SDK1: variants seen among roughly 807,000 people sequenced by gnomAD.
SDK1 encodes sidekick cell adhesion molecule 1, also known as protein sidekick-1.
SDK1 carries 157 observed loss-of-function variants against 245.5 expected under a neutral mutation model. The ratio of observed to expected loss-of-function variants is 0.64; its 90% CI spans 0.56 to 0.73. The LOEUF is 0.73. Ranked by LOEUF, SDK1 falls within the 30% of genes least tolerant of loss-of-function variation. The probability of loss-of-function intolerance (pLI) is 0.00; values close to 1 mark genes in which losing one functional copy is unlikely to be tolerated. For missense variants in SDK1, 3,583 were observed against 3,002.3 expected, an observed-to-expected ratio of 1.19 and a Z score of -4.52; for synonymous variants, 1,647 against 1,278.5, an observed-to-expected ratio of 1.29 and a Z score of -6.15.
chr7:3,599,755 G>T (rs956073259), intron 1 of SDK1, among the ~76,000 whole-genome samples: 2 of 152,058 alleles, frequency 1.3e-5, no homozygotes, highest in Admixed American at 6.6e-5. Flanking sequence ...TCAAAAGTCA[G>T]TTGGCTGCCT....
intron 4 of SDK1, among the ~76,000 whole-genome samples, chr7:3,791,289 C>G (rs1781080197): frequency 6.6e-6 from 1 of 152,092 alleles, no homozygotes; most frequent in African/African-American, 2.4e-5. Context: ...GGAACTACAG[C>G]CAGTGAGTAG....
At chr7:3,863,844 G>C (rs918183854) in intron 5 of SDK1, among the ~76,000 whole-genome samples, 1 of 152,214 alleles carries the variant, frequency 6.6e-6, no homozygotes, top group Admixed American at 6.5e-5. Context: ...CCTGACGGGC[G>C]CTTGGGTTGT....
In SDK1 at chr7:3,969,508, G is replaced by A. The variant is rs1046724159; in HGVS notation, c.1714+84G>A. ...TCGTGTGCTTTGGGGATGTCAGCAT[G>A]CCCTTGGGCTTGCTAATTTAATCAA... On this transcript the variant is annotated intron_variant, in intron 11 of 44. Transcript: ENST00000404826. The A allele has an allele frequency of 1.3e-5, 13 of 1,028,186 alleles. No individual in the cohort carries two copies. The Middle Eastern group carries it at 7.8e-4, about 61-fold the overall frequency. 63.7% of individuals were successfully genotyped at this position (1,028,186 alleles called of 1,614,324 possible).
At chr7:3,522,400 C>G (rs1328100343) in intron 1 of SDK1, among the ~76,000 whole-genome samples, 2 of 152,242 alleles carry the variant, frequency 1.3e-5, no homozygotes, top group East Asian at 3.9e-4. Context: ...GAGACAATGC[C>G]CAATCACTGT....
intron 4 of SDK1, among the ~76,000 whole-genome samples, chr7:3,666,659 G>T (rs1277383727): frequency 4.6e-5 from 7 of 151,800 alleles, no homozygotes; most frequent in Non-Finnish European, 1.5e-5. Context: ...CTTGTGCGTC[G>T]TTGGCGATTG....
At chr7:3,696,340 G>A (rs1784571234) in intron 4 of SDK1, among the ~76,000 whole-genome samples, 1 of 152,094 alleles carries the variant, frequency 6.6e-6, no homozygotes, top group African/African-American at 2.4e-5. Context: ...CACCGTATAT[G>A]TTTGCTGTGC....
At position 4,248,839 on chromosome 7, in the gene SDK1, A is replaced by C. The variant is rs188772454; in HGVS notation, c.6381+3034A>C. Among the ~76,000 whole-genome samples the C allele has an allele frequency of 3.0e-3, 464 of 152,134 alleles. 4 individuals carry two copies. Among genetic ancestry groups the C allele is most frequent in the African/African-American group, 0.011 (443 of 41,410 alleles). ...CAGGCACATGGCTCACACATACTAC[A>C]TGCATGTACGCATGCATATATACAC... On this transcript the variant is annotated intron_variant, in intron 44 of 44. Coordinates refer to ENST00000404826, the MANE Select transcript of SDK1 (RefSeq NM_152744.4).
intron 4 of SDK1, among the ~76,000 whole-genome samples, chr7:3,729,427 G>A (rs963487088): frequency 2.0e-5 from 3 of 152,190 alleles, no homozygotes; most frequent in Non-Finnish European, 4.4e-5. Flanking sequence ...ACAATTTCTG[G>A]AGACATTTGT....
Position 4,093,630 on chromosome 7 carries a change from G to A in SDK1, c.3324+14046G>A, listed in dbSNP as rs191423141. ...AGTAGTGGAGATGGAGCAGCCGGGCGCCCAGGCGTCCCCAGGACGCTTAGA... is the reference window on the plus strand; with the variant it reads ...AGTAGTGGAGATGGAGCAGCCGGGCACCCAGGCGTCCCCAGGACGCTTAGA... On this transcript the variant is annotated intron_variant, in intron 22 of 44. Coordinates refer to ENST00000404826, the MANE Select transcript of SDK1 (RefSeq NM_152744.4). 1.4e-3 allele frequency among the ~76,000 whole-genome samples: 206 copies of A among 152,322 alleles called. 1 individual carries two copies. The highest frequency in any genetic ancestry group is 4.7e-3 in the African/African-American group (196 of 41,584).
rs777817105 is a variant in SDK1 at position 4,237,659 on chromosome 7, C to G, written c.6005C>G (p.Ala2002Gly). 6.2e-7 allele frequency: 1 copy of G among 1,613,990 alleles called. No homozygotes were observed. Among genetic ancestry groups the G allele is most frequent in the Non-Finnish European group, 8.5e-7 (1 of 1,180,012 alleles). The change falls in exon 42 of 45, where the codon GCC becomes GGC. Residue 2002 changes from alanine (A) to glycine (G), a missense_variant. Transcript: ENST00000404826. ...PSTAVSAQVE[A>G]PFYEEWWFLL... is the part of the protein sequence containing the mutation. Reference sequence around the variant, plus strand: ...GTCTTTTCCACAGCTCAAGTGGAAGCCCCATTCTACGAGGAGTGGTGGTTC... The same window carrying G: ...GTCTTTTCCACAGCTCAAGTGGAAGGCCCATTCTACGAGGAGTGGTGGTTC...
At chr7:3,852,385 C>T (rs772690999) in intron 5 of SDK1, among the ~76,000 whole-genome samples, 12 of 151,762 alleles carry the variant, frequency 7.9e-5, no homozygotes, top group African/African-American at 2.7e-4. Context: ...TCACCACTGC[C>T]AACACATCAG....
At position 3,622,913 on chromosome 7, in the gene SDK1, T is replaced by C. The variant is rs367595347; in HGVS notation, c.458+3674T>C. Among the ~76,000 whole-genome samples, 616 of 152,218 alleles carry C rather than the reference T, an allele frequency of 4.0e-3. 6 individuals carry two copies. Among genetic ancestry groups the C allele is most frequent in the African/African-American group, 0.014 (599 of 41,556 alleles). ...CATAGCTTGCTTTTTTTTTTCCCCA[T>C]GATATAAAACCTGTCTAAAAATCTC... On this transcript the variant is annotated intron_variant, in intron 2 of 44. Transcript: ENST00000404826.
At chr7:3,955,154 A>G (rs754125787) in intron 7 of SDK1, among the ~76,000 whole-genome samples, 1 of 152,112 alleles carries the variant, frequency 6.6e-6, no homozygotes, top group Non-Finnish European at 1.5e-5. Flanking sequence ...GCGAGTTTTC[A>G]CTGGGATGGA....
chr7:4,232,407 C>CTTTTTTTTT (rs201396862), intron 40 of SDK1, among the ~76,000 whole-genome samples: 219 of 73,116 alleles, frequency 3.0e-3, no homozygotes, highest in African/African-American at 3.9e-3. Context: ...CTTTTCTTTT[C>CTTTTTTTTT]TTTCTTTTTT....
At chr7:3,631,826 A>G (rs1359696985) in intron 2 of SDK1, among the ~76,000 whole-genome samples, 3 of 152,050 alleles carry the variant, frequency 2.0e-5, no homozygotes, top group Admixed American at 6.6e-5. Flanking sequence ...TGACCAAACT[A>G]CTCTGTAACA....
At chr7:3,590,755 T>C (rs1411252122) in intron 1 of SDK1, among the ~76,000 whole-genome samples, 1 of 151,444 alleles carries the variant, frequency 6.6e-6, no homozygotes, top group African/African-American at 2.4e-5. Flanking sequence ...TTAATGGGTC[T>C]GCAGTGAGGG....
intron 43 of SDK1, among the ~76,000 whole-genome samples, chr7:4,244,287 C>A (rs1314301208): frequency 6.6e-6 from 1 of 152,196 alleles, no homozygotes; most frequent in Non-Finnish European, 1.5e-5. Flanking sequence ...TCACTCCTCG[C>A]AGCATGAGGG....
chr7:3,544,641 T>C (rs1337730109), intron 1 of SDK1, among the ~76,000 whole-genome samples: 1 of 152,244 alleles, frequency 6.6e-6, no homozygotes, highest in Non-Finnish European at 1.5e-5. Context: ...TTCATAATCC[T>C]CTTTGTACCA....
At chr7:4,055,003 C>G (rs970630006) in intron 19 of SDK1, among the ~76,000 whole-genome samples, 1 of 152,152 alleles carries the variant, frequency 6.6e-6, no homozygotes, top group Non-Finnish European at 1.5e-5. Context: ...TTTGCTAGCA[C>G]TTGGCGAAGG....
Sources: gnomAD v4.1 joint callset for allele counts (sites outside exome capture counted in the v4.1 genomes callset) on GRCh38, gnomAD v4.1.1 for gene constraint, MANE v1.5 for transcripts, NCBI Gene and HGNC (gene_info 2026-07-23, HGNC 2026-07-21) for gene names.